Variants in SLC49A4 observed in about 807,000 individuals in gnomAD.
SLC49A4 encodes the protein solute carrier family 49 member 4.
Under a neutral mutation model 50.6 loss-of-function variants are expected in SLC49A4, and 36 were observed. The ratio of observed to expected loss-of-function variants is 0.71; its 90% confidence interval spans 0.55 to 0.94. The LOEUF (loss-of-function observed/expected upper bound fraction) is 0.94, where lower values mean the gene tolerates loss of function less well. Among genes scored for constraint, SLC49A4 ranks in the 40% least tolerant of loss-of-function variants. The pLI is 0.00. For missense variants in SLC49A4, 503 were observed against 605.7 expected (o/e 0.83, Z 1.78); for synonymous variants, 248 against 241.2 (o/e 1.03, Z -0.26).
chr3:122,847,403 A>G (rs1936868808), intron 5 of SLC49A4, among the ~76,000 whole-genome samples: 1 of 146,078 alleles, frequency 6.8e-6, no homozygotes, highest in African/African-American at 2.6e-5. Flanking sequence ...GCTGGAGTGC[A>G]GTGGCGCGAT....
chr3:122,840,113 A>C (rs913814983), intron 4 of SLC49A4, among the ~76,000 whole-genome samples: 2 of 152,242 alleles, frequency 1.3e-5, no homozygotes, highest in African/African-American at 4.8e-5. Context: ...GGAAGCCGTT[A>C]TTCTAAGTGA....
At position 122,818,101 on chromosome 3, in the gene SLC49A4, C is replaced by T. The variant is rs1291448218; in HGVS notation, c.438-8699C>T. On this transcript the variant is annotated intron_variant, in intron 2 of 8. Coordinates refer to ENST00000261038, the MANE Select transcript of SLC49A4 (RefSeq NM_032839.3). Reference sequence around the variant, plus strand: ...TATTCACATACAAAGATTGTCACACCAGCATTATTAATATTAGCAAATAAG... The same window carrying T: ...TATTCACATACAAAGATTGTCACACTAGCATTATTAATATTAGCAAATAAG... 2.0e-5 allele frequency among the ~76,000 whole-genome samples: 3 copies of T among 152,108 alleles called. No individual in the cohort carries two copies. In the East Asian group the frequency reaches 5.8e-4, roughly 29 times the overall value.
At chr3:122,801,397 C>G (rs867590877) in intron 1 of SLC49A4, among the ~76,000 whole-genome samples, 1 of 151,982 alleles carries the variant, frequency 6.6e-6, no homozygotes, top group Non-Finnish European at 1.5e-5. Context: ...TCAAGACCAC[C>G]CTGGCCAACA....
intron 4 of SLC49A4, among the ~76,000 whole-genome samples, chr3:122,835,962 G>A (rs1193918492): frequency 2.6e-5 from 4 of 151,994 alleles, no homozygotes; most frequent in African/African-American, 4.8e-5. Flanking sequence ...CACCAACAAC[G>A]AGAAAGGCAA....
At chr3:122,835,286 C>T (rs143455872) in intron 4 of SLC49A4, among the ~76,000 whole-genome samples, 172 of 152,194 alleles carry the variant, frequency 1.1e-3, no homozygotes, top group Non-Finnish European at 2.2e-3. Flanking sequence ...AAGCCAGTGT[C>T]ACCCTGATAC....
At chr3:122,872,357 A>G (rs2107584219) in intron 7 of SLC49A4, 58 bp from the exon 8 acceptor site, 2 of 1,415,508 alleles carry the variant, frequency 1.4e-6, no homozygotes, top group African/African-American at 1.4e-5. Context: ...CCGAAGATCT[A>G]TCTGATATGA....
At chr3:122,796,996 CA>C (rs1300005963) in intron 1 of SLC49A4, among the ~76,000 whole-genome samples, 1 of 152,170 alleles carries the variant, frequency 6.6e-6, no homozygotes, top group Non-Finnish European at 1.5e-5. Context: ...AGTTAGCACT[CA>C]AAATTAGTTG....
intron 4 of SLC49A4, among the ~76,000 whole-genome samples, chr3:122,843,639 C>T (rs1936806559): frequency 6.6e-6 from 1 of 152,130 alleles, no homozygotes; most frequent in South Asian, 2.1e-4. Flanking sequence ...CTTAACATGG[C>T]TCTTTGTTTC....
intron 4 of SLC49A4, among the ~76,000 whole-genome samples, chr3:122,842,346 C>A (rs1936782341): frequency 6.6e-6 from 1 of 151,886 alleles, no homozygotes; most frequent in African/African-American, 2.4e-5. Context: ...ATTAACCGGG[C>A]TTGGTAGCGG....
intron 7 of SLC49A4, among the ~76,000 whole-genome samples, chr3:122,867,353 A>G (rs1560238945): frequency 6.6e-6 from 1 of 152,184 alleles, no homozygotes; most frequent in Non-Finnish European, 1.5e-5. Context: ...AATTGGCAGA[A>G]AACATGCTAG....
intron 1 of SLC49A4, among the ~76,000 whole-genome samples, chr3:122,801,591 A>C (rs1485383824): frequency 2.0e-5 from 3 of 152,026 alleles, no homozygotes; most frequent in Non-Finnish European, 4.4e-5. Flanking sequence ...ACCTCATCTC[A>C]AAAACAAAAA....
intron 2 of SLC49A4, among the ~76,000 whole-genome samples, chr3:122,809,458 A>G (rs1936267351): frequency 1.3e-5 from 2 of 152,160 alleles, no homozygotes; most frequent in Non-Finnish European, 2.9e-5. Context: ...GCAGTGGCCC[A>G]CACCTGTAAT....
At chr3:122,857,623 T>C (rs2107578735) in intron 6 of SLC49A4, among the ~76,000 whole-genome samples, 1 of 152,312 alleles carries the variant, frequency 6.6e-6, no homozygotes, top group East Asian at 1.9e-4. Context: ...TAAATCACTT[T>C]ATTTGAAGTG....
At chr3:122,847,531 G>C (rs1408095910) in intron 5 of SLC49A4, among the ~76,000 whole-genome samples, 1 of 151,806 alleles carries the variant, frequency 6.6e-6, no homozygotes, top group Non-Finnish European at 1.5e-5. Context: ...ATTTTTAGTA[G>C]AGACGGGGTT....
intron 1 of SLC49A4, among the ~76,000 whole-genome samples, chr3:122,805,285 T>C (rs1214163809): frequency 6.6e-6 from 1 of 152,222 alleles, no homozygotes; most frequent in East Asian, 1.9e-4. Context: ...TTCCTTCTGG[T>C]AAATTGTATT....
intron 2 of SLC49A4, among the ~76,000 whole-genome samples, chr3:122,808,938 G>A (rs1372637474): frequency 6.6e-6 from 1 of 152,180 alleles, no homozygotes; most frequent in Non-Finnish European, 1.5e-5. Context: ...ATGATTCCAT[G>A]CTGTGGGAAG....
At chr3:122,825,468 T>C (rs1052712684) in intron 2 of SLC49A4, among the ~76,000 whole-genome samples, 3 of 152,024 alleles carry the variant, frequency 2.0e-5, no homozygotes, top group Non-Finnish European at 4.4e-5. Context: ...CTATGTTGCC[T>C]TCATATAATT....
chr3:122,829,110 G>A (rs1195341712), intron 3 of SLC49A4, among the ~76,000 whole-genome samples: 1 of 152,078 alleles, frequency 6.6e-6, no homozygotes, highest in African/African-American at 2.4e-5. Flanking sequence ...AATTATTCCC[G>A]ACAAAGGTAA....
intron 6 of SLC49A4, among the ~76,000 whole-genome samples, chr3:122,857,272 T>C (rs1205809604): frequency 1.1e-5 from 1 of 93,056 alleles, no homozygotes; most frequent in African/African-American, 4.1e-5. Flanking sequence ...AGGAAAAAGG[T>C]CCCATTCGTT....
Sources: gnomAD v4.1 joint callset for allele counts (sites outside exome capture counted in the v4.1 genomes callset) on GRCh38, gnomAD v4.1.1 for gene constraint, MANE v1.5 for transcripts, NCBI Gene and HGNC (gene_info 2026-07-23, HGNC 2026-07-21) for gene names.